DPF3: variants seen among roughly 807,000 people sequenced by gnomAD.
DPF3 encodes the protein zinc finger protein DPF3.
Under a neutral mutation model 56.8 loss-of-function variants are expected in DPF3, and 18 were observed. That is an observed-to-expected ratio of 0.32 (90% CI 0.22 to 0.47). The LOEUF is 0.47. DPF3 is among the 20% of genes least tolerant of loss of function. The probability of loss-of-function intolerance (pLI) is 1.00; values close to 1 mark genes in which losing one functional copy is unlikely to be tolerated. For missense variants in DPF3, 403 were observed against 488.8 expected, an observed-to-expected ratio of 0.82 and a Z score of 1.65; for synonymous variants, 188 against 180.2, an observed-to-expected ratio of 1.04 and a Z score of -0.35.
chr14:72,730,279 A>G (rs1889587090), intron 4 of DPF3, among the ~76,000 whole-genome samples: 1 of 152,062 alleles, frequency 6.6e-6, no homozygotes, highest in Admixed American at 6.5e-5. Flanking sequence ...GTCAGGTGTG[A>G]GAGACAAGCA....
chr14:72,858,125 C>T (rs540303966), intron 1 of DPF3, among the ~76,000 whole-genome samples: 7 of 151,844 alleles, frequency 4.6e-5, no homozygotes, highest in South Asian at 2.1e-4. Flanking sequence ...GGCAACATGG[C>T]GAAACCCCAT....
intron 6 of DPF3, among the ~76,000 whole-genome samples, chr14:72,708,574 T>C (rs6574091): frequency 0.93 from 141,811 of 152,276 alleles, 66,346 homozygotes; most frequent in Non-Finnish European, 0.99. Flanking sequence ...AAAGAATATG[T>C]GCCTTAATGC....
In DPF3 at chr14:72,776,426, T is replaced by A. The variant is rs115711147; in HGVS notation, c.33-4533A>T. Reference sequence around the variant, plus strand: ...GGTACTTCTGTGATCCCATCTGAATTGAGAAGCCAGCCCAGCTCTGAGAGC... The same window carrying A: ...GGTACTTCTGTGATCCCATCTGAATAGAGAAGCCAGCCCAGCTCTGAGAGC... On this transcript the variant is annotated intron_variant, in intron 1 of 10. Transcript: ENST00000556509. 2.0e-3 allele frequency among the ~76,000 whole-genome samples: 305 copies of A among 152,208 alleles called. 3 individuals are homozygous for A. Among genetic ancestry groups the A allele is most frequent in the African/African-American group, 7.2e-3 (298 of 41,530 alleles).
intron 6 of DPF3, among the ~76,000 whole-genome samples, chr14:72,697,146 A>T (rs1414197935): frequency 6.6e-6 from 1 of 152,190 alleles, no homozygotes; most frequent in Admixed American, 6.6e-5. Flanking sequence ...CTCTGGATGG[A>T]GCTCCATTTT....
chr14:72,820,787 G>C (rs1218449337), intron 1 of DPF3, among the ~76,000 whole-genome samples: 1 of 152,126 alleles, frequency 6.6e-6, no homozygotes, highest in Non-Finnish European at 1.5e-5. Flanking sequence ...TTGAGGTCAG[G>C]AGTTCGAGAC....
intron 8 of DPF3, among the ~76,000 whole-genome samples, chr14:72,654,887 T>C (rs1010530694): frequency 1.3e-5 from 2 of 152,140 alleles, no homozygotes; most frequent in African/African-American, 4.8e-5. Context: ...AGTAGCAGCA[T>C]GCGGTCAAAA....
At chr14:72,750,391 A>G (rs1418846022) in intron 3 of DPF3, among the ~76,000 whole-genome samples, 1 of 152,230 alleles carries the variant, frequency 6.6e-6, no homozygotes, top group African/African-American at 2.4e-5. Flanking sequence ...TCTGATATAA[A>G]TTGTTCTTAA....
At position 72,614,188 on chromosome 14, in the gene DPF3, G is replaced by A. The variant is rs978403434; in HGVS notation, c.*5109C>T. On this transcript the variant is annotated 3_prime_UTR_variant, in exon 11 of 11. Coordinates refer to ENST00000556509, the MANE Select transcript of DPF3 (RefSeq NM_001280542.3). ...AAACCCTGGGAATGCTCAGAAATGG[G>A]GGAGGGAGCCCCAACCCCCAGACAG... Among the ~76,000 whole-genome samples, 87 of 152,160 alleles carry A rather than the reference G, an allele frequency of 5.7e-4. 1 individual carries two copies. The highest frequency in any genetic ancestry group is 1.0e-3 in the Admixed American group (16 of 15,282).
chr14:72,773,597 A>C (rs1891632641), intron 1 of DPF3, among the ~76,000 whole-genome samples: 1 of 152,212 alleles, frequency 6.6e-6, no homozygotes, highest in African/African-American at 2.4e-5. Context: ...CTGAAACACT[A>C]TACCCATTAA....
At chr14:72,882,983 T>C (rs1244399757) in intron 1 of DPF3, among the ~76,000 whole-genome samples, 1 of 152,186 alleles carries the variant, frequency 6.6e-6, no homozygotes, top group East Asian at 1.9e-4. Flanking sequence ...GTCAGGTGGC[T>C]GTGCTGATTA....
At chr14:72,731,746 G>A in intron 4 of DPF3, 61 bp downstream of exon 4, 2 of 1,603,084 alleles carry the variant, frequency 1.2e-6, no homozygotes, top group South Asian at 1.1e-5. Context: ...CGGTGCTGGA[G>A]TTCTGGAAGC....
At chr14:72,752,918 T>C (rs1339712115) in intron 3 of DPF3, among the ~76,000 whole-genome samples, 2 of 152,196 alleles carry the variant, frequency 1.3e-5, no homozygotes, top group African/African-American at 4.8e-5. Flanking sequence ...ATTTCTTTAC[T>C]TGAGGCCACA....
In DPF3 at chr14:72,619,016, A is replaced by G. The variant is rs1225551830; in HGVS notation, c.*281T>C. 1.3e-5 allele frequency among the ~76,000 whole-genome samples: 2 copies of G among 152,210 alleles called. No individual in the cohort carries two copies. Among genetic ancestry groups the G allele is most frequent in the Non-Finnish European group, 2.9e-5 (2 of 68,040 alleles). On this transcript the variant is annotated 3_prime_UTR_variant, in exon 11 of 11. Transcript: ENST00000556509. ...AATGAGAGGGCCTCGGTGCTAGGGT[A>G]AAAGTGAGAGGGGTTCCACAGGGCT...
intron 2 of DPF3, among the ~76,000 whole-genome samples, chr14:72,763,993 C>T (rs909875583): frequency 3.9e-5 from 6 of 152,146 alleles, no homozygotes; most frequent in Admixed American, 3.9e-4. Flanking sequence ...ATATTTTGGT[C>T]TTAATCCCCA....
intron 1 of DPF3, among the ~76,000 whole-genome samples, chr14:72,822,237 T>C (rs10873252): frequency 0.094 from 14,240 of 151,974 alleles, 825 homozygotes; most frequent in Admixed American, 0.18. Context: ...AAAAATTAGC[T>C]GGGCGTGGTA....
chr14:72,732,920 T>TTC (rs943259106), intron 3 of DPF3, among the ~76,000 whole-genome samples: 172 of 151,236 alleles, frequency 1.1e-3, no homozygotes, highest in African/African-American at 3.9e-3. Flanking sequence ...CTTTCTTTCT[T>TTC]TCTCTCTCTC....
chr14:72,834,769 A>G (rs546081462), intron 1 of DPF3, among the ~76,000 whole-genome samples: 51 of 152,360 alleles, frequency 3.3e-4, no homozygotes, highest in Middle Eastern at 3.4e-3. Context: ...AGCATTCTTC[A>G]TAACAGCCAA....
chr14:72,818,029 T>C (rs1883363908), intron 1 of DPF3, among the ~76,000 whole-genome samples: 1 of 152,040 alleles, frequency 6.6e-6, no homozygotes, highest in Admixed American at 6.6e-5. Context: ...GCAGATCACT[T>C]GAGGTCACGG....
At position 72,615,834 on chromosome 14, in the gene DPF3, G is replaced by A. The variant is rs1884057074; in HGVS notation, c.*3463C>T. 6.6e-6 allele frequency among the ~76,000 whole-genome samples: 1 copy of A among 152,194 alleles called. No individual in the cohort carries two copies. The highest frequency in any genetic ancestry group is 2.1e-4 in the South Asian group (1 of 4,828). Reference sequence around the variant, plus strand: ...ATTTCCACATAATGTTGCCTGCACTGGATTTGCTACAGATCCAAAAAGCAG... The same window carrying A: ...ATTTCCACATAATGTTGCCTGCACTAGATTTGCTACAGATCCAAAAAGCAG... On this transcript the variant is annotated 3_prime_UTR_variant, in exon 11 of 11. Coordinates refer to ENST00000556509, the MANE Select transcript of DPF3 (RefSeq NM_001280542.3).
Sources: allele counts gnomAD v4.1 joint callset (sites outside exome capture counted in the v4.1 genomes callset), GRCh38; gene constraint gnomAD v4.1.1; transcripts MANE v1.5; gene names NCBI Gene and HGNC (gene_info 2026-07-23, HGNC 2026-07-21).